Variants in TNIP1 observed in about 807,000 individuals in gnomAD.
TNIP1 encodes TNFAIP3 interacting protein 1.
TNIP1 carries 22 observed loss-of-function variants against 86.6 expected under a neutral mutation model. That is an observed-to-expected ratio of 0.25 (90% CI 0.18 to 0.36). TNIP1 has a LOEUF of 0.36. Among genes scored for constraint, TNIP1 ranks in the 10% least tolerant of loss-of-function variants. The pLI is 1.00. For synonymous variants in TNIP1, 294 were observed against 313.0 expected (o/e 0.94, Z 0.64); for missense variants, 709 against 820.6 (o/e 0.86, Z 1.66).
At chr5:151,062,288 C>CTTGA in intron 3 of TNIP1, 76 bp from the exon 4 acceptor site, 1 of 1,387,398 alleles carries the variant, frequency 7.2e-7, no homozygotes, top group Non-Finnish European at 1.0e-6. Context: ...AAGGACAGCC[C>CTTGA]TTGACAAAAG....
chr5:151,046,044 C>A, intron 8 of TNIP1, 94 bp from the exon 9 acceptor site: 2 of 1,181,596 alleles, frequency 1.7e-6, no homozygotes, highest in East Asian at 2.4e-5. Flanking sequence ...ACCCAAGTGG[C>A]CCCAGCCCTC....
chr5:151,079,480 C>T (rs1048939023), intron 1 of TNIP1, among the ~76,000 whole-genome samples: 1 of 151,992 alleles, frequency 6.6e-6, no homozygotes, highest in Non-Finnish European at 1.5e-5. Context: ...AAAAATTAGC[C>T]GGGGATGGTG....
intron 14 of TNIP1, 150 bp downstream of exon 14, chr5:151,035,432 G>A (rs1757570734): frequency 4.4e-6 from 5 of 1,128,794 alleles, no homozygotes; most frequent in Admixed American, 4.4e-5. Context: ...GTCAGAGAGG[G>A]GAAGGGCCTT....
chr5:151,058,962 G>A (rs547110120), intron 5 of TNIP1, among the ~76,000 whole-genome samples: 13 of 152,272 alleles, frequency 8.5e-5, no homozygotes, highest in Admixed American at 3.9e-4. Flanking sequence ...TCAGTGTGCC[G>A]CATTCTAACA....
intron 1 of TNIP1, among the ~76,000 whole-genome samples, chr5:151,069,210 G>A (rs1425799301): frequency 6.6e-6 from 1 of 152,326 alleles, no homozygotes; most frequent in East Asian, 1.9e-4. Context: ...AGAAAGAGAG[G>A]GGTATGATAA....
Position 151,032,183 on chromosome 5 carries a change from A to G in TNIP1, c.1876+104T>C, listed in dbSNP as rs1267396639. The G allele has an allele frequency of 2.1e-5, 21 of 993,096 alleles. No homozygotes were observed. The Admixed American group carries it at 3.2e-4, about 15-fold the overall frequency. 61.5% of individuals were successfully genotyped at this position (993,096 alleles called of 1,614,324 possible). A position where few individuals can be genotyped will look rare whatever the true frequency, so the allele number is the denominator to read the frequency against. Reference sequence around the variant, plus strand: ...TTTTGGAAAGCTGGGCCTCTCCTCCACCAAGAGCAGAAACTAACGACATCA... The same window carrying G: ...TTTTGGAAAGCTGGGCCTCTCCTCCGCCAAGAGCAGAAACTAACGACATCA... On this transcript the variant is annotated intron_variant, in intron 17 of 17. Coordinates refer to ENST00000521591, the MANE Select transcript of TNIP1 (RefSeq NM_006058.5).
intron 15 of TNIP1, 74 bp downstream of exon 15, chr5:151,034,926 CTG>C: frequency 1.3e-6 from 2 of 1,537,670 alleles, no homozygotes; most frequent in African/African-American, 1.4e-5. Context: ...CGAGCACACA[CTG>C]TGCATCCATC....
chr5:151,087,407 C>T (rs1327604847), upstream of TNIP1, among the ~76,000 whole-genome samples: 2 of 152,230 alleles, frequency 1.3e-5, no homozygotes, highest in African/African-American at 4.8e-5. Flanking sequence ...AAGCCTGATG[C>T]TTCCTCAGCT....
Position 151,062,324 on chromosome 5 carries a change from G to C in TNIP1, c.272-112C>G, listed in dbSNP as rs1053055763. On this transcript the variant is annotated intron_variant, in intron 3 of 17. Coordinates refer to ENST00000521591, the MANE Select transcript of TNIP1 (RefSeq NM_006058.5). ...GGTTCTCAGACAGGATTCCCCACTCGAGTGTGGGAGAATGGGAGGTGGTCT... is the reference window on the plus strand; with the variant it reads ...GGTTCTCAGACAGGATTCCCCACTCCAGTGTGGGAGAATGGGAGGTGGTCT... 1.1e-5 allele frequency: 10 copies of C among 944,600 alleles called. No individual in the cohort carries two copies. The Admixed American group carries it at 1.6e-4, about 15-fold the overall frequency. 58.5% of individuals were successfully genotyped at this position (944,600 alleles called of 1,614,324 possible).
chr5:151,049,861 T>A lies in TNIP1; in HGVS notation c.809A>T (p.Glu270Val). The change falls in exon 8 of 18, where the codon GAA becomes GTA. Residue 270 changes from glutamate (E) to valine (V), a missense_variant. Physicochemically the swap from Glu to Val is moderately radical, Grantham distance 121. Coordinates refer to ENST00000521591, the MANE Select transcript of TNIP1 (RefSeq NM_006058.5). The stretch of plus-strand genomic sequence containing the variant: ...AGCCACTGCCTTCTTGCCTGTCCCT[T>A]CCATCTTCGGTGAGCCTGGCCGCCC... The part of the protein sequence containing the change: ...ASGRPGSPKM[E>V]GTGKKAVAGQ... 6.2e-7 allele frequency: 1 copy of A among 1,614,180 alleles called. No homozygotes were observed. Among genetic ancestry groups the A allele is most frequent in the Non-Finnish European group, 8.5e-7 (1 of 1,180,020 alleles).
chr5:151,039,352 A>G (rs1758122117), intron 11 of TNIP1, 127 bp from the exon 12 acceptor site: 2 of 1,061,308 alleles, frequency 1.9e-6, no homozygotes, highest in Non-Finnish European at 2.6e-6. Context: ...TCACATGCAA[A>G]GCACCTGGGG....
intron 16 of TNIP1, among the ~76,000 whole-genome samples, chr5:151,033,022 A>T (rs978001223): frequency 2.1e-5 from 3 of 144,824 alleles, no homozygotes; most frequent in Admixed American, 7.1e-5. Flanking sequence ...GCTACTTGGG[A>T]GGCTAAGGCA....
intron 17 of TNIP1, among the ~76,000 whole-genome samples, chr5:151,031,248 T>C (rs1756850783): frequency 6.6e-6 from 1 of 152,162 alleles, no homozygotes; most frequent in Admixed American, 6.5e-5. Context: ...TGGCCTCTAC[T>C]CACACACCTG....
intron 4 of TNIP1, 83 bp from the exon 5 acceptor site, chr5:151,060,478 G>A (rs113080959): frequency 4.8e-6 from 6 of 1,254,000 alleles, no homozygotes; most frequent in Non-Finnish European, 7.0e-6. Context: ...GAGCAGCAAG[G>A]GGGACAAAAT....
chr5:151,033,640 G>A lies in TNIP1; in HGVS notation c.1747C>T (p.Pro583Ser), dbSNP rs1757215969. The A allele has an allele frequency of 7.3e-7, 1 of 1,371,490 alleles. No individual in the cohort carries two copies. Among genetic ancestry groups the A allele is most frequent in the Middle Eastern group, 2.0e-4 (1 of 4,940 alleles). The allele number at this position is 1,371,490 out of a possible 1,614,324, so 85.0% of individuals were successfully genotyped here. ...AAGAGGCGCGAGTTGGGGAGTGGGG[G>A]CGGGTGCTCCATGGCCATGGGGGGA... ...PPPPMAMEHP[P>S]PLPNSRLFHL... Residue 583 changes from proline to serine, a missense_variant, in exon 16 of 18, where the codon CCC (proline) becomes TCC (serine). Coordinates refer to ENST00000521591, the MANE Select transcript of TNIP1 (RefSeq NM_006058.5).
intron 6 of TNIP1, among the ~76,000 whole-genome samples, chr5:151,052,567 C>T (rs1457511551): frequency 6.6e-6 from 1 of 152,194 alleles, no homozygotes; most frequent in Non-Finnish European, 1.5e-5. Flanking sequence ...CTATTCCCCA[C>T]CAGCCTCCCC....
chr5:151,059,777 G>A (rs1041992753), intron 5 of TNIP1, among the ~76,000 whole-genome samples: 1 of 110,856 alleles, frequency 9.0e-6, no homozygotes, highest in Non-Finnish European at 1.8e-5. Context: ...CTGTACGAGA[G>A]ACAGAGAGAG....
chr5:151,063,047 T>C (rs1761783094), intron 3 of TNIP1, among the ~76,000 whole-genome samples: 5 of 152,206 alleles, frequency 3.3e-5, no homozygotes, highest in Admixed American at 3.3e-4. Context: ...GTGATGCCTC[T>C]ACCATACATG....
At chr5:151,030,785 T>C in intron 17 of TNIP1, 38 bp from the exon 18 acceptor site, 1 of 1,532,944 alleles carries the variant, frequency 6.5e-7, no homozygotes, top group Non-Finnish European at 8.9e-7. Context: ...CATGATTATG[T>C]GGTAGAGCGA....
Sources: gnomAD v4.1 joint callset for allele counts (sites outside exome capture counted in the v4.1 genomes callset) on GRCh38, gnomAD v4.1.1 for gene constraint, MANE v1.5 for transcripts, NCBI Gene and HGNC (gene_info 2026-07-23, HGNC 2026-07-21) for gene names.